UMAD1: variants seen among roughly 807,000 people sequenced by gnomAD.
The protein encoded by UMAD1 is UBAP1-MVB12-associated (UMA) domain containing 1, also known as UBAP1-MVB12-associated (UMA)-domain containing protein 1.
UMAD1 carries 8 observed loss-of-function variants against 6.1 expected under a neutral mutation model. The observed-to-expected ratio is 1.30, with a 90% CI of 0.76 to 2.35. The LOEUF is 2.35. Among genes scored for constraint, UMAD1 ranks in the 30% most tolerant of loss-of-function variants. UMAD1 has a pLI of 0.00. For missense variants in UMAD1, 130 were observed against 78.4 expected, an observed-to-expected ratio of 1.66 and a Z score of -2.49; for synonymous variants, 56 against 31.4, an observed-to-expected ratio of 1.78 and a Z score of -2.61.
chr7:7,868,529 A>C (rs1784277163), intron 3 of UMAD1: 1 of 152,188 alleles, frequency 6.6e-6, no homozygotes, highest in African/African-American at 2.4e-5. Context: ...ACGGAGCACA[A>C]GCAGGTAGAA....
chr7:7,792,678 C>T (rs934467521), intron 2 of UMAD1, among the ~76,000 whole-genome samples: 1 of 152,288 alleles, frequency 6.6e-6, no homozygotes, highest in Admixed American at 6.5e-5. Flanking sequence ...ACGGGCCTTC[C>T]CCTCCCATCC....
chr7:7,834,016 C>CTTTTTTTTTTTTTTTTTT (rs4034895), intron 3 of UMAD1, among the ~76,000 whole-genome samples: 2 of 110,450 alleles, frequency 1.8e-5, no homozygotes, highest in African/African-American at 3.4e-5. Flanking sequence ...TTTTTCTTTT[C>CTTTTTTTTTTTTTTTTTT]TTTTTTTTTT....
chr7:7,781,914 A>G (rs1446285220), intron 2 of UMAD1, among the ~76,000 whole-genome samples: 1 of 152,098 alleles, frequency 6.6e-6, no homozygotes, highest in Non-Finnish European at 1.5e-5. Context: ...CTGTTCTTTT[A>G]ATGCATTGAG....
chr7:7,710,448 G>C (rs1780726499), intron 2 of UMAD1, among the ~76,000 whole-genome samples: 1 of 152,110 alleles, frequency 6.6e-6, no homozygotes, highest in African/African-American at 2.4e-5. Context: ...TATACATATG[G>C]CAAATAAGCA....
At chr7:7,811,895 T>TACCC (rs113611322) in intron 3 of UMAD1, among the ~76,000 whole-genome samples, 13 of 151,846 alleles carry the variant, frequency 8.6e-5, no homozygotes, top group Admixed American at 7.9e-4. Context: ...CAATTAAAAA[T>TACCC]ACGTTGTTAT....
chr7:7,776,259 G>A (rs1390962854), intron 2 of UMAD1, among the ~76,000 whole-genome samples: 5 of 152,130 alleles, frequency 3.3e-5, no homozygotes, highest in Admixed American at 6.5e-5. Context: ...CCAGGAATTC[G>A]AAAGCAGCTT....
intron 3 of UMAD1, among the ~76,000 whole-genome samples, chr7:7,836,956 A>T (rs1440058090): frequency 4.5e-5 from 3 of 67,294 alleles, no homozygotes; most frequent in Admixed American, 1.5e-4. Flanking sequence ...CAAAACTATT[A>T]AAAAAAAAAA....
At chr7:7,821,244 A>C (rs553685231) in intron 3 of UMAD1, among the ~76,000 whole-genome samples, 1 of 152,130 alleles carries the variant, frequency 6.6e-6, no homozygotes, top group East Asian at 1.9e-4. Flanking sequence ...GCTTGTGGCT[A>C]TTGAGCACTT....
At chr7:7,695,876 A>G (rs1780302352) in intron 2 of UMAD1, among the ~76,000 whole-genome samples, 2 of 152,100 alleles carry the variant, frequency 1.3e-5, no homozygotes, top group South Asian at 2.1e-4. Flanking sequence ...TTATGCACTA[A>G]TGGTTGGATT....
At chr7:7,822,898 G>A (rs1783267343) in intron 3 of UMAD1, among the ~76,000 whole-genome samples, 1 of 151,682 alleles carries the variant, frequency 6.6e-6, no homozygotes, top group South Asian at 2.1e-4. Context: ...TTTTTTAGGT[G>A]ACATGTGTTT....
chr7:7,766,580 C>G (rs1381857138), intron 2 of UMAD1, among the ~76,000 whole-genome samples: 1 of 152,204 alleles, frequency 6.6e-6, no homozygotes, highest in African/African-American at 2.4e-5. Context: ...TGGTTTAAAA[C>G]TTACAGCCCT....
chr7:7,818,429 GATC>G (rs776539006), intron 3 of UMAD1, among the ~76,000 whole-genome samples: 6 of 152,038 alleles, frequency 3.9e-5, no homozygotes, highest in Non-Finnish European at 8.8e-5. Flanking sequence ...CAACATCACT[GATC>G]ATCAGTGAAA....
At chr7:7,669,409 G>A (rs1002713798) in intron 1 of UMAD1, among the ~76,000 whole-genome samples, 3 of 152,168 alleles carry the variant, frequency 2.0e-5, no homozygotes, top group Admixed American at 6.5e-5. Context: ...AATGGTATTT[G>A]CCAGTCCTTT....
chr7:7,788,526 T>G (rs2115261220), intron 2 of UMAD1, among the ~76,000 whole-genome samples: 1 of 152,336 alleles, frequency 6.6e-6, no homozygotes, highest in Non-Finnish European at 1.5e-5. Context: ...AGTATCATCC[T>G]ATTTTGGAAT....
intron 2 of UMAD1, among the ~76,000 whole-genome samples, chr7:7,780,700 A>G (rs1782327739): frequency 6.6e-6 from 1 of 152,234 alleles, no homozygotes; most frequent in African/African-American, 2.4e-5. Flanking sequence ...AAATGTATGT[A>G]AATAGAATCA....
At chr7:7,706,544 A>G (rs1780604878) in intron 2 of UMAD1, among the ~76,000 whole-genome samples, 1 of 152,220 alleles carries the variant, frequency 6.6e-6, no homozygotes, top group Non-Finnish European at 1.5e-5. Flanking sequence ...GTTAGATATC[A>G]TTTTTTAAAA....
intron 3 of UMAD1, among the ~76,000 whole-genome samples, chr7:7,847,087 CAAAAAAA>C (rs1190292068): frequency 0.013 from 83 of 6,254 alleles, 5 homozygotes; most frequent in Admixed American, 0.02. Context: ...GACAGCAATG[CAAAAAAA>C]AAAAAAAAAA....
At chr7:7,869,498 A>C (rs903777391) in intron 3 of UMAD1, among the ~76,000 whole-genome samples, 1 of 152,074 alleles carries the variant, frequency 6.6e-6, no homozygotes, top group East Asian at 1.9e-4. Context: ...ACCTGGTTTC[A>C]TGTTCTTTTA....
intron 2 of UMAD1, among the ~76,000 whole-genome samples, chr7:7,778,099 C>T (rs1473445437): frequency 2.6e-5 from 4 of 152,128 alleles, no homozygotes; most frequent in African/African-American, 9.7e-5. Context: ...AATATTATGA[C>T]ATTGTATGTC....
Sources: allele counts gnomAD v4.1 joint callset (sites outside exome capture counted in the v4.1 genomes callset), GRCh38; gene constraint gnomAD v4.1.1; transcripts MANE v1.5; gene names NCBI Gene and HGNC (gene_info 2026-07-23, HGNC 2026-07-21).